The following SNRK variants were observed in gnomAD, a reference collection of about 807,000 sequenced individuals.
SNRK encodes the protein SNF-related serine/threonine-protein kinase.
Under a neutral mutation model 48.2 loss-of-function variants are expected in SNRK, and 3 were observed. The ratio of observed to expected loss-of-function variants is 0.06; its 90% CI spans 0.03 to 0.16. The LOEUF is 0.16. SNRK is among the 10% of genes least tolerant of loss of function. The pLI, the probability that SNRK is intolerant of heterozygous loss-of-function variation, is 1.00. For synonymous variants in SNRK, 376 were observed against 366.1 expected (o/e 1.03, Z -0.31); for missense variants, 627 against 976.0 (o/e 0.64, Z 4.76).
chr3:43,346,673 G>C (rs2091278771), intron 6 of SNRK, among the ~76,000 whole-genome samples: 1 of 152,152 alleles, frequency 6.6e-6, no homozygotes, highest in South Asian at 2.1e-4. Flanking sequence ...ATCCCAGGGG[G>C]TCAAGGCTGT....
chr3:43,348,294 G>A lies in SNRK; in HGVS notation c.2035G>A (p.Val679Ile). 3.1e-6 allele frequency: 5 copies of A among 1,614,074 alleles called. No homozygotes were observed. The highest frequency in any genetic ancestry group is 4.2e-6 in the Non-Finnish European group (5 of 1,179,956). The change falls in exon 7 of 7, where the codon GTC (valine) becomes ATC (isoleucine). Residue 679 changes from valine (V) to isoleucine (I), a missense_variant. Around this residue, in one of 4 missense-constraint regions of SNRK, gnomAD observed 207 missense variants for 234.3 expected, o/e 0.88. Coordinates refer to ENST00000296088, the MANE Select transcript of SNRK (RefSeq NM_017719.5). ...TGGCTTGTCATTTTCCAGTGTGAAA[G>A]TCCAAGAGAAATCTACGTGGAAAAT... The part of the protein sequence containing the change: ...QNGLSFSSVK[V>I]QEKSTWKMCI...
intron 3 of SNRK, among the ~76,000 whole-genome samples, chr3:43,305,215 A>G (rs2090928109): frequency 6.6e-6 from 1 of 152,200 alleles, no homozygotes; most frequent in Non-Finnish European, 1.5e-5. Context: ...TATCTGGTAA[A>G]GGTAAAGATG....
chr3:43,342,120 AC>A (rs1263393937), intron 5 of SNRK, among the ~76,000 whole-genome samples: 1 of 152,244 alleles, frequency 6.6e-6, no homozygotes, highest in Non-Finnish European at 1.5e-5. Flanking sequence ...TTAAATAAAT[AC>A]ATATATACAT....
chr3:43,339,371 C>T (rs186470927), intron 4 of SNRK, among the ~76,000 whole-genome samples: 1 of 152,106 alleles, frequency 6.6e-6, no homozygotes, highest in African/African-American at 2.4e-5. Context: ...TTATATGCAC[C>T]CAACATAGCT....
intron 1 of SNRK, among the ~76,000 whole-genome samples, chr3:43,296,463 G>T (rs996943552): frequency 5.5e-5 from 7 of 126,378 alleles, no homozygotes; most frequent in Non-Finnish European, 1.1e-4. Context: ...CATTTAATAT[G>T]TTTGAGAGGA....
chr3:43,328,596 G>C (rs1263355562), intron 3 of SNRK, among the ~76,000 whole-genome samples: 7 of 152,110 alleles, frequency 4.6e-5, no homozygotes, highest in Admixed American at 1.3e-4. Context: ...GAGGAATATG[G>C]TGGATAATTT....
At chr3:43,326,876 C>T (rs932794490) in intron 3 of SNRK, among the ~76,000 whole-genome samples, 5 of 152,132 alleles carry the variant, frequency 3.3e-5, no homozygotes, top group African/African-American at 9.7e-5. Context: ...TGATGGCATT[C>T]GTTCTTTCTA....
Position 43,340,484 on chromosome 3 carries a change from G to A in SNRK, c.929G>A (p.Arg310Gln). ...QRMVLGDIAD[R>Q]DAIVEALETN... Reference sequence around the variant, plus strand: ...ATGGTGCTTGGGGACATAGCGGATCGAGACGCCATTGTAGAGTACGTCAAT... The same window carrying A: ...ATGGTGCTTGGGGACATAGCGGATCAAGACGCCATTGTAGAGTACGTCAAT... Residue 310 changes from arginine (R) to glutamine (Q), a missense_variant, in exon 5 of 7, where the codon CGA (arginine) becomes CAA (glutamine). Transcript: ENST00000296088. 1 of 1,614,084 alleles carries A rather than the reference G, an allele frequency of 6.2e-7. No homozygotes were observed. The highest frequency in any genetic ancestry group is 8.5e-7 in the Non-Finnish European group (1 of 1,179,988).
At position 43,303,199 on chromosome 3, in the gene SNRK, C is replaced by A; in HGVS notation, c.-5C>A. The A allele has an allele frequency of 1.2e-6, 2 of 1,604,156 alleles. No homozygotes were observed. Among genetic ancestry groups the A allele is most frequent in the Non-Finnish European group, 1.7e-6 (2 of 1,172,574 alleles). On this transcript the variant is annotated 5_prime_UTR_variant, in exon 3 of 7. Coordinates refer to ENST00000296088, the MANE Select transcript of SNRK (RefSeq NM_017719.5). The surrounding 1 kb of genome is among the most constrained non-coding windows in gnomAD (Gnocchi z 6.2). ...TCTAAATATTTTTTCTTCTGTTGGA[C>A]CAGCATGGCAGGATTTAAGCGAGGG...
intron 3 of SNRK, among the ~76,000 whole-genome samples, chr3:43,329,396 C>G (rs1473009948): frequency 1.3e-5 from 2 of 151,918 alleles, no homozygotes; most frequent in African/African-American, 2.4e-5. Context: ...CGAGATCGCA[C>G]CACTGCCCTC....
intron 1 of SNRK, among the ~76,000 whole-genome samples, chr3:43,297,978 A>G (rs2090869410): frequency 6.6e-6 from 1 of 152,128 alleles, no homozygotes. Context: ...CGCTTGAAGT[A>G]GGGTCAGCAA....
Position 43,347,085 on chromosome 3 carries a change from C to A in SNRK, c.1080-254C>A. The A allele has an allele frequency of 2.4e-6, 1 of 416,968 alleles. No homozygotes were observed. The highest frequency in any genetic ancestry group is 3.7e-5 in the East Asian group (1 of 27,280). The allele number at this position is 416,968 out of a possible 1,614,324, so 25.8% of individuals were successfully genotyped here. ...AGAAAAGATGGAGTAGCTCTTTGCC[C>A]TATTTTCTTTTCTGACACCTGTGAT... is the stretch of plus-strand genomic sequence containing the variant. On this transcript the variant is annotated intron_variant, in intron 6 of 6. Transcript: ENST00000296088. The surrounding 1 kb of genome is among the most constrained non-coding windows in gnomAD (Gnocchi z 5.4).
At chr3:43,334,880 C>G (rs970674751) in intron 4 of SNRK, among the ~76,000 whole-genome samples, 23 of 152,194 alleles carry the variant, frequency 1.5e-4, no homozygotes, top group African/African-American at 5.5e-4. Flanking sequence ...GCATGAGCCA[C>G]CACGCCCAGC....
chr3:43,344,456 A>G (rs1198621801), intron 6 of SNRK, among the ~76,000 whole-genome samples: 1 of 152,190 alleles, frequency 6.6e-6, no homozygotes, highest in African/African-American at 2.4e-5. Flanking sequence ...ATTGTGAATA[A>G]TAATATTATG....
intron 3 of SNRK, among the ~76,000 whole-genome samples, chr3:43,331,062 G>A: frequency 6.6e-6 from 1 of 152,208 alleles, no homozygotes; most frequent in African/African-American, 2.4e-5. Context: ...ATTATTTTGG[G>A]TGTTTTAAGT....
At chr3:43,292,267 G>C (rs887737954) in intron 1 of SNRK, among the ~76,000 whole-genome samples, 2 of 152,184 alleles carry the variant, frequency 1.3e-5, no homozygotes, top group Non-Finnish European at 2.9e-5. Flanking sequence ...GTGTTTTATG[G>C]AACTTTGTAG....
chr3:43,347,621 G>A lies in SNRK; in HGVS notation c.1362G>A (p.Glu454=), dbSNP rs2091287425. The A allele has an allele frequency of 1.2e-6, 2 of 1,613,956 alleles. No homozygotes were observed. The highest frequency in any genetic ancestry group is 2.2e-5 in the East Asian group (1 of 44,880). ...AAGAAGATGAAGAGGAAGATGAGGAGGACAAGAAACCCATGTCCCTCTCAA... is the reference window on the plus strand; with the variant it reads ...AAGAAGATGAAGAGGAAGATGAGGAAGACAAGAAACCCATGTCCCTCTCAA... The part of the protein sequence containing the change: ...RVEEDEEEDE[E]DKKPMSLSTQ... Residue 454 remains glutamate, a synonymous_variant, in exon 7 of 7, where the codon GAG becomes GAA. Transcript: ENST00000296088. This position sits in a 1 kb window ranked among gnomAD's most constrained non-coding sequence, Gnocchi z 5.4.
chr3:43,298,368 AG>A (rs1464445547), intron 1 of SNRK, among the ~76,000 whole-genome samples: 1 of 152,166 alleles, frequency 6.6e-6, no homozygotes, highest in African/African-American at 2.4e-5. Flanking sequence ...GGATAGTGGA[AG>A]GAGCTACTAT....
At chr3:43,299,352 A>G (rs2090881292) in intron 1 of SNRK, among the ~76,000 whole-genome samples, 1 of 151,914 alleles carries the variant, frequency 6.6e-6, no homozygotes, top group Admixed American at 6.6e-5. Flanking sequence ...TAATTTTTGT[A>G]TTTTTAGTAG....
Sources: allele counts gnomAD v4.1 joint callset (sites outside exome capture counted in the v4.1 genomes callset), GRCh38; gene constraint gnomAD v4.1.1; regional missense constraint gnomAD v4.1.1; non-coding constraint Gnocchi (gnomAD v3.1); transcripts MANE v1.5; gene names NCBI Gene and HGNC (gene_info 2026-07-23, HGNC 2026-07-21).